BLTP3B: variants seen among roughly 807,000 people sequenced by gnomAD.
BLTP3B encodes UHRF1 (ICBP90) binding protein 1-like.
the BLTP3B span, among the ~76,000 whole-genome samples, chr12:100,054,601 AC>A: frequency 7.8e-3 from 1,192 of 152,302 alleles, 15 homozygotes; most frequent in African/African-American, 0.027. Context: ...TAAAGGGGGC[AC>A]GGGGGAACTA....
the BLTP3B span, chr12:100,070,162 G>T: frequency 2.5e-6 from 4 of 1,570,586 alleles, no homozygotes; most frequent in Admixed American, 7.0e-5. Context: ...ATCTGCTTAG[G>T]AAGGCAGCTG....
the BLTP3B span, chr12:100,086,363 G>GAAA: frequency 5.3e-6 from 2 of 374,994 alleles, no homozygotes; most frequent in Non-Finnish European, 9.4e-6. Flanking sequence ...TTGACTCTGG[G>GAAA]AAAAAAAAAG....
the BLTP3B span, among the ~76,000 whole-genome samples, chr12:100,093,463 C>T: frequency 6.6e-6 from 1 of 152,170 alleles, no homozygotes; most frequent in African/African-American, 2.4e-5. Context: ...ATTTGATCTT[C>T]CTTCACATGT....
the BLTP3B span, among the ~76,000 whole-genome samples, chr12:100,066,753 G>A: frequency 4.0e-5 from 6 of 150,102 alleles, no homozygotes; most frequent in South Asian, 2.1e-4. Flanking sequence ...GCAGTGAGCC[G>A]AGATCACACC....
At chr12:100,137,133 G>C in the BLTP3B span, among the ~76,000 whole-genome samples, 12 of 152,160 alleles carry the variant, frequency 7.9e-5, no homozygotes, top group Non-Finnish European at 1.3e-4. Context: ...TCCTAAACCA[G>C]ATCTACTTCA....
the BLTP3B span, among the ~76,000 whole-genome samples, chr12:100,102,293 G>A: frequency 6.6e-6 from 1 of 151,836 alleles, no homozygotes; most frequent in African/African-American, 2.4e-5. Context: ...TTGTATTTTA[G>A]TAGAGACAGG....
the BLTP3B span, among the ~76,000 whole-genome samples, chr12:100,103,262 C>T: frequency 6.6e-6 from 1 of 151,824 alleles, no homozygotes; most frequent in Non-Finnish European, 1.5e-5. Flanking sequence ...AGCTATGAGA[C>T]ACAAAACTAT....
chr12:100,076,425 ACT>A, the BLTP3B span, among the ~76,000 whole-genome samples: 1 of 127,884 alleles, frequency 7.8e-6, no homozygotes, highest in African/African-American at 3.1e-5. Flanking sequence ...TAAGAGTCTC[ACT>A]CTGTCATCCA....
chr12:100,054,197 G>C, the BLTP3B span, among the ~76,000 whole-genome samples: 3 of 152,090 alleles, frequency 2.0e-5, no homozygotes, highest in Non-Finnish European at 2.9e-5. Flanking sequence ...ACATTCTTAT[G>C]ACAATTTTAT....
the BLTP3B span, among the ~76,000 whole-genome samples, chr12:100,102,110 CTT>C: frequency 1.3e-4 from 18 of 135,018 alleles, no homozygotes; most frequent in Middle Eastern, 3.9e-3. Context: ...CAACTTAACT[CTT>C]TTTTTTTTTT....
chr12:100,071,914 A>C, the BLTP3B span, among the ~76,000 whole-genome samples: 1 of 152,256 alleles, frequency 6.6e-6, no homozygotes, highest in African/African-American at 2.4e-5. Flanking sequence ...TGATTCTTTA[A>C]CAAACAGCTA....
chr12:100,042,774 G>A, the BLTP3B span, among the ~76,000 whole-genome samples: 5 of 152,178 alleles, frequency 3.3e-5, no homozygotes, highest in African/African-American at 7.2e-5. Flanking sequence ...TGAAGGTTTA[G>A]ATAATCATTA....
chr12:100,080,897 T>C, the BLTP3B span, among the ~76,000 whole-genome samples: 1 of 152,112 alleles, frequency 6.6e-6, no homozygotes, highest in Non-Finnish European at 1.5e-5. Flanking sequence ...AATTCCCACA[T>C]GTTGTAGGAG....
the BLTP3B span, chr12:100,089,053 G>C: frequency 6.2e-7 from 1 of 1,609,382 alleles, no homozygotes; most frequent in Non-Finnish European, 8.5e-7. Context: ...TTTGAAGTTT[G>C]CGTTGTCTTC....
At chr12:100,134,941 T>A in the BLTP3B span, among the ~76,000 whole-genome samples, 1 of 152,206 alleles carries the variant, frequency 6.6e-6, no homozygotes, top group African/African-American at 2.4e-5. Context: ...CTCTCTCACC[T>A]AAATAGTTAA....
the BLTP3B span, among the ~76,000 whole-genome samples, chr12:100,077,163 G>A: frequency 6.6e-6 from 1 of 152,104 alleles, no homozygotes; most frequent in Non-Finnish European, 1.5e-5. Flanking sequence ...TTATAACACA[G>A]CTTTTATACT....
chr12:100,073,581 GTA>G, the BLTP3B span, among the ~76,000 whole-genome samples: 2 of 151,080 alleles, frequency 1.3e-5, no homozygotes, highest in African/African-American at 2.4e-5. Context: ...ATATGTGTGT[GTA>G]TATATATATA....
At chr12:100,050,977 G>T in the BLTP3B span, 1 of 1,473,192 alleles carries the variant, frequency 6.8e-7, no homozygotes, top group East Asian at 2.4e-5. Context: ...CACCATCTAA[G>T]AATTCATTTT....
the BLTP3B span, among the ~76,000 whole-genome samples, chr12:100,065,698 ATGTT>A: frequency 6.6e-5 from 10 of 152,186 alleles, no homozygotes; most frequent in African/African-American, 2.4e-4. Context: ...GTTGTTTAAG[ATGTT>A]TATCAAGACA....
Sources: allele counts gnomAD v4.1 joint callset (sites outside exome capture counted in the v4.1 genomes callset), GRCh38; gene constraint gnomAD v4.1.1; transcripts MANE v1.5; gene names NCBI Gene and HGNC (gene_info 2026-07-23, HGNC 2026-07-21).